The following ASAP1 variants were observed in gnomAD, a reference collection of about 807,000 sequenced individuals.
ASAP1 encodes the protein ArfGAP with SH3 domain, ankyrin repeat and PH domain 1.
ASAP1 carries 43 observed loss-of-function variants against 145.2 expected under a neutral mutation model. The ratio of observed to expected loss-of-function variants is 0.30; its 90% CI spans 0.23 to 0.38. The LOEUF is 0.38. Ranked by LOEUF, ASAP1 falls within the 10% of genes least tolerant of loss-of-function variation. The pLI is 1.00. For synonymous variants in ASAP1, 546 were observed against 515.5 expected (o/e 1.06, Z -0.80); for missense variants, 1,018 against 1,355.3 (o/e 0.75, Z 3.91).
chr8:130,136,096 G>C (rs1382909388), intron 14 of ASAP1, among the ~76,000 whole-genome samples: 1 of 152,194 alleles, frequency 6.6e-6, no homozygotes, highest in African/African-American at 2.4e-5. Flanking sequence ...TAGTGTTGCA[G>C]GATTTCAGGA....
intron 29 of ASAP1, among the ~76,000 whole-genome samples, chr8:130,056,907 G>C (rs2097405453): frequency 6.6e-6 from 1 of 152,176 alleles, no homozygotes; most frequent in South Asian, 2.1e-4. Flanking sequence ...CCCATCGGGA[G>C]ACTTACTCCC....
chr8:130,357,236 T>TCCCCA (rs1826372911), intron 3 of ASAP1, among the ~76,000 whole-genome samples: 1 of 142,778 alleles, frequency 7.0e-6, no homozygotes, highest in South Asian at 2.2e-4. Flanking sequence ...TCCTGAAGGG[T>TCCCCA]CCAGGTAAGA....
chr8:130,194,152 G>GT (rs1355230605), intron 5 of ASAP1, among the ~76,000 whole-genome samples: 1 of 152,102 alleles, frequency 6.6e-6, no homozygotes, highest in Non-Finnish European at 1.5e-5. Flanking sequence ...AATGTTCCCA[G>GT]TGACTAGTCA....
intron 3 of ASAP1, among the ~76,000 whole-genome samples, chr8:130,278,613 A>T (rs540745234): frequency 6.6e-6 from 1 of 152,350 alleles, no homozygotes; most frequent in South Asian, 2.1e-4. Context: ...TTTGCAGCTA[A>T]GAGTGCAAAT....
intron 16 of ASAP1, 26 bp downstream of exon 16, chr8:130,127,901 G>C (rs1358744406): frequency 1.9e-6 from 3 of 1,609,438 alleles, no homozygotes; most frequent in Non-Finnish European, 2.5e-6. Context: ...TGTTGTAAAA[G>C]CTCGTTCAAA....
Position 130,242,277 on chromosome 8 carries a change from A to C in ASAP1, c.187-5283T>G, listed in dbSNP as rs531670245. On this transcript the variant is annotated intron_variant, in intron 3 of 29. Transcript: ENST00000518721. The stretch of plus-strand genomic sequence containing the variant: ...TGATTTCCTTAAAAAAAAAAAAAAA[A>C]AAAAAACAACTTTTTTTTTTTTTTA... 4.1e-4 allele frequency among the ~76,000 whole-genome samples: 62 copies of C among 150,758 alleles called. No homozygotes were observed. The South Asian group carries it at 4.8e-3, about 12-fold the overall frequency.
chr8:130,133,911 C>T (rs974087111), intron 15 of ASAP1, among the ~76,000 whole-genome samples: 4 of 152,200 alleles, frequency 2.6e-5, no homozygotes, highest in African/African-American at 9.7e-5. Flanking sequence ...AAAGGCCCCT[C>T]CTGAGGGCAA....
chr8:130,311,427 T>C (rs902309753), intron 3 of ASAP1, among the ~76,000 whole-genome samples: 2 of 152,232 alleles, frequency 1.3e-5, no homozygotes, highest in African/African-American at 4.8e-5. Context: ...CTTTTTTCAG[T>C]GCACATGCAT....
chr8:130,141,107 C>T (rs1256268555), intron 13 of ASAP1, among the ~76,000 whole-genome samples: 1 of 152,156 alleles, frequency 6.6e-6, no homozygotes, highest in Non-Finnish European at 1.5e-5. Flanking sequence ...CTCTGGGCTA[C>T]ACCACAGTGG....
chr8:130,181,091 G>T (rs893888556), intron 7 of ASAP1, among the ~76,000 whole-genome samples: 7 of 152,174 alleles, frequency 4.6e-5, no homozygotes, highest in African/African-American at 1.4e-4. Flanking sequence ...GAACTCTCTT[G>T]TATCTTCTGC....
intron 11 of ASAP1, among the ~76,000 whole-genome samples, chr8:130,163,465 G>C (rs1335884668): frequency 6.6e-6 from 1 of 152,304 alleles, no homozygotes; most frequent in African/African-American, 2.4e-5. Context: ...CTAAACTCCA[G>C]GGTTTGACCT....
Position 130,157,738 on chromosome 8 carries a change from C to T in ASAP1, c.1010+2126G>A, listed in dbSNP as rs78604170. Among the ~76,000 whole-genome samples the T allele has an allele frequency of 3.9e-5, 6 of 152,292 alleles. No individual in the cohort carries two copies. In the East Asian group the frequency reaches 1.2e-3, roughly 29 times the overall value. On this transcript the variant is annotated intron_variant, in intron 12 of 29. Coordinates refer to ENST00000518721, the MANE Select transcript of ASAP1 (RefSeq NM_018482.4). ...CATGCTCCTGACTACTTCCTCTTCT[C>T]CCAGGTATCTGCATAGATTTCTCTC...
intron 15 of ASAP1, among the ~76,000 whole-genome samples, chr8:130,129,365 T>C (rs761136552): frequency 1.3e-5 from 2 of 152,254 alleles, no homozygotes; most frequent in Non-Finnish European, 2.9e-5. Flanking sequence ...ATAGTGGTTG[T>C]CTCTGAGTGA....
At chr8:130,301,123 G>C (rs1426102) in intron 3 of ASAP1, among the ~76,000 whole-genome samples, 15,888 of 152,170 alleles carry the variant, frequency 0.1, 979 homozygotes, top group South Asian at 0.28. Context: ...CATAAGCAGA[G>C]GACATGAGAA....
intron 13 of ASAP1, chr8:130,152,489 ATAT>A (rs2097648587): frequency 3.2e-6 from 1 of 317,080 alleles, no homozygotes; most frequent in Non-Finnish European, 5.7e-6. Flanking sequence ...CCAAAAGATA[ATAT>A]TATGAAATCA....
chr8:130,133,804 T>C (rs1425840524), intron 15 of ASAP1, among the ~76,000 whole-genome samples: 1 of 152,228 alleles, frequency 6.6e-6, no homozygotes, highest in Admixed American at 6.5e-5. Context: ...CACATGGCAG[T>C]TTCCTTCCTT....
intron 13 of ASAP1, among the ~76,000 whole-genome samples, chr8:130,140,219 T>C (rs988995362): frequency 9.9e-5 from 15 of 151,692 alleles, no homozygotes; most frequent in Non-Finnish European, 2.2e-4. Context: ...TTTTTGGTAT[T>C]TTTAGTGGAG....
chr8:130,393,632 T>C (rs542624616), intron 2 of ASAP1, among the ~76,000 whole-genome samples: 12 of 152,126 alleles, frequency 7.9e-5, no homozygotes, highest in Admixed American at 7.9e-4. Context: ...GGCACACACC[T>C]GTAATCCCAG....
intron 3 of ASAP1, among the ~76,000 whole-genome samples, chr8:130,256,761 A>ATATATATATCTT (rs1554860250): frequency 1.0e-5 from 1 of 98,152 alleles, no homozygotes; most frequent in Non-Finnish European, 2.3e-5. Flanking sequence ...ATATATATAT[A>ATATATATATCTT]TATATATATA....
Sources: gnomAD v4.1 joint callset for allele counts (sites outside exome capture counted in the v4.1 genomes callset) on GRCh38, gnomAD v4.1.1 for gene constraint, MANE v1.5 for transcripts, NCBI Gene and HGNC (gene_info 2026-07-23, HGNC 2026-07-21) for gene names.